MICAL3: variants seen among roughly 807,000 people sequenced by gnomAD.
MICAL3 encodes [F-actin]-monooxygenase MICAL3.
Under a neutral mutation model 207.4 loss-of-function variants are expected in MICAL3, and 62 were observed. That is an observed-to-expected ratio of 0.30 (90% CI 0.24 to 0.37). MICAL3 has a LOEUF of 0.37. Among genes scored for constraint, MICAL3 ranks in the 10% least tolerant of loss-of-function variants. The pLI is 1.00. For synonymous variants in MICAL3, 1,077 were observed against 1,069.3 expected, an observed-to-expected ratio of 1.01 and a Z score of -0.14; for missense variants, 2,368 against 2,635.6, an observed-to-expected ratio of 0.90 and a Z score of 2.22.
Position 17,980,133 on chromosome 22 carries a change from G to C in MICAL3, c.-75+44148C>G, listed in dbSNP as rs191094997. Among the ~76,000 whole-genome samples the C allele has an allele frequency of 2.0e-5, 3 of 152,282 alleles. No individual in the cohort carries two copies. The East Asian group carries it at 5.8e-4, about 29-fold the overall frequency. ...GGTGAACCACCGCACCTGGCCCCCA[G>C]CAAGTCTTTCTGAAAGTGGGTAATA... On this transcript the variant is annotated intron_variant, in intron 1 of 31. Coordinates refer to ENST00000441493, the MANE Select transcript of MICAL3 (RefSeq NM_015241.3).
At chr22:17,842,045 C>A (rs915833103) in intron 19 of MICAL3, 28 bp from the exon 20 acceptor site, 34 of 1,583,530 alleles carry the variant, frequency 2.1e-5, no homozygotes, top group African/African-American at 2.7e-5. Flanking sequence ...AAGCACTGCA[C>A]TGAGGTCCAA....
chr22:17,927,051 C>G (rs962596719), intron 1 of MICAL3, among the ~76,000 whole-genome samples: 1 of 152,132 alleles, frequency 6.6e-6, no homozygotes, highest in Admixed American at 6.5e-5. Flanking sequence ...TTTTGTCATC[C>G]GCAACAGAAA....
chr22:17,910,319 G>A (rs1932035532), intron 1 of MICAL3, among the ~76,000 whole-genome samples: 1 of 152,096 alleles, frequency 6.6e-6, no homozygotes, highest in Non-Finnish European at 1.5e-5. Context: ...TCACCCACTC[G>A]GTTTGAAATA....
chr22:17,977,169 G>A (rs1236689237), intron 1 of MICAL3, among the ~76,000 whole-genome samples: 1 of 152,088 alleles, frequency 6.6e-6, no homozygotes, highest in Non-Finnish European at 1.5e-5. Flanking sequence ...GTTTACTCAA[G>A]AATCGAGAGT....
At chr22:17,951,171 A>G (rs1934330604) in intron 1 of MICAL3, among the ~76,000 whole-genome samples, 1 of 152,212 alleles carries the variant, frequency 6.6e-6, no homozygotes, top group Non-Finnish European at 1.5e-5. Context: ...ATGAATGCCC[A>G]GACTGTAAGG....
Position 17,919,165 on chromosome 22 carries a change from G to A in MICAL3, c.-74-12279C>T, listed in dbSNP as rs962697429. 4.0e-5 allele frequency among the ~76,000 whole-genome samples: 6 copies of A among 150,396 alleles called. No individual in the cohort carries two copies. The East Asian group carries it at 9.7e-4, about 24-fold the overall frequency. Reference sequence around the variant, plus strand: ...AGCTCAGTGCAGCTTCCTCAGCTCAGGCGATTCTCCTGCCTCAGGCTCCTG... The same window carrying A: ...AGCTCAGTGCAGCTTCCTCAGCTCAAGCGATTCTCCTGCCTCAGGCTCCTG... On this transcript the variant is annotated intron_variant, in intron 1 of 31. Coordinates refer to ENST00000441493, the MANE Select transcript of MICAL3 (RefSeq NM_015241.3).
chr22:17,928,420 A>C (rs1250740252), intron 1 of MICAL3, among the ~76,000 whole-genome samples: 5 of 150,476 alleles, frequency 3.3e-5, no homozygotes, highest in South Asian at 2.1e-4. Flanking sequence ...GCCTGGGCGA[A>C]ACAGCAAGAC....
chr22:17,950,186 G>C (rs900066286), intron 1 of MICAL3, among the ~76,000 whole-genome samples: 21 of 137,640 alleles, frequency 1.5e-4, no homozygotes, highest in African/African-American at 6.1e-4. Flanking sequence ...TTGGAGACAA[G>C]AGTCTCGCTC....
chr22:17,866,071 C>A, intron 17 of MICAL3, 59 bp from the exon 18 acceptor site: 1 of 1,297,762 alleles, frequency 7.7e-7, no homozygotes, highest in Non-Finnish European at 1.1e-6. Flanking sequence ...CCTGAACGTG[C>A]CTCCCTGGTC....
At chr22:18,001,324 G>A (rs918347655) in intron 1 of MICAL3, 1 of 152,332 alleles carries the variant, frequency 6.6e-6, no homozygotes, top group East Asian at 1.9e-4. Flanking sequence ...CCCCGAGCTC[G>A]GGCGCGAGCA....
intron 29 of MICAL3, among the ~76,000 whole-genome samples, chr22:17,805,076 G>A (rs2061976711): frequency 1.3e-5 from 2 of 152,232 alleles, no homozygotes; most frequent in African/African-American, 2.4e-5. Context: ...GGCTAACAAA[G>A]TCTGACGCCC....
At position 17,902,425 on chromosome 22, in the gene MICAL3, A is replaced by G. The variant is rs1931399603; in HGVS notation, c.589+206T>C. On this transcript the variant is annotated intron_variant, in intron 4 of 31. Transcript: ENST00000441493. The surrounding 1 kb of genome is among the most constrained non-coding windows in gnomAD (Gnocchi z 4.5). ...GTGGGGACAAACCACAGAAGGAAAGAAGCCTTGCAGAGGGCTCACGGGGCC... is the reference window on the plus strand; with the variant it reads ...GTGGGGACAAACCACAGAAGGAAAGGAGCCTTGCAGAGGGCTCACGGGGCC... Among the ~76,000 whole-genome samples, 1 of 152,180 alleles carries G rather than the reference A, an allele frequency of 6.6e-6. No individual in the cohort carries two copies. The highest frequency in any genetic ancestry group is 2.4e-5 in the African/African-American group (1 of 41,442).
intron 1 of MICAL3, among the ~76,000 whole-genome samples, chr22:17,948,583 A>G (rs760339190): frequency 6.6e-6 from 1 of 152,210 alleles, no homozygotes; most frequent in Non-Finnish European, 1.5e-5. Context: ...AGGGGAAGAC[A>G]GAATATGAGT....
Position 17,818,857 on chromosome 22 carries a change from G to T in MICAL3, c.3804C>A (p.Thr1268=). 1 of 1,546,648 alleles carries T rather than the reference G, an allele frequency of 6.5e-7. No homozygotes were observed. Reference sequence around the variant, plus strand: ...GGGTAGGGGATGGGACAGTGGCCTCGGTGGAAGGCTGGGGCTGGGAGCAGA... The same window carrying T: ...GGGTAGGGGATGGGACAGTGGCCTCTGTGGAAGGCTGGGGCTGGGAGCAGA... ...LPICSQPQPS[T]EATVPSPTQS... Residue 1268 remains threonine, a synonymous_variant, in exon 26 of 32, where the codon ACC becomes ACA. Coordinates refer to ENST00000441493, the MANE Select transcript of MICAL3 (RefSeq NM_015241.3).
rs1921262343 is a variant in MICAL3, at chr22:17,819,102, C to CGGCAG, written c.3554_3558dup (p.Ala1187LeufsTer32). The CGGCAG allele has an allele frequency of 6.7e-7, 1 of 1,489,046 alleles. No homozygotes were observed. The highest frequency in any genetic ancestry group is 1.4e-5 in the African/African-American group (1 of 71,194). 92.2% of individuals were successfully genotyped at this position (1,489,046 alleles called of 1,614,324 possible). On this transcript the variant is annotated frameshift_variant, in exon 26 of 32. Coordinates refer to ENST00000441493, the MANE Select transcript of MICAL3 (RefSeq NM_015241.3). LOFTEE classifies it high-confidence loss of function. ...TCCTCAGGTGATTTCTCCTGGGTGG[C>CGGCAG]GGCAGGGACAGGTGGGAGTTGGGGC... is the stretch of plus-strand genomic sequence containing the variant.
chr22:17,886,017 G>A lies in MICAL3; in HGVS notation c.2102C>T (p.Pro701Leu), dbSNP rs374510340. ...EAPRGHRGER[P>L]TLVSTLTDRR... The stretch of plus-strand genomic sequence containing the variant: ...GTCTGTCAGAGTGCTCACCAGGGTC[G>A]GTCTTTCTCCTCTGTGGCCCCGAGG... Residue 701 changes from proline to leucine, a missense_variant, in exon 16 of 32, where the codon CCG becomes CTG. Transcript: ENST00000441493. 1.1e-5 allele frequency: 17 copies of A among 1,614,000 alleles called. No individual in the cohort carries two copies. The highest frequency in any genetic ancestry group is 1.3e-5 in the African/African-American group (1 of 75,052).
Position 17,854,262 on chromosome 22 carries a change from GAC to G in MICAL3, c.2605+10635_2605+10636del, listed in dbSNP as rs749296138. Among the ~76,000 whole-genome samples, 78 of 152,186 alleles carry G rather than the reference GAC, an allele frequency of 5.1e-4. No homozygotes were observed. In the Middle Eastern group the frequency reaches 0.01, roughly 20 times the overall value. ...TGATGTCTGATGGGGAGAGGCCAGGGACACACCCGACACACCACAAGGCACAG... is the reference window on the plus strand; with the variant it reads ...TGATGTCTGATGGGGAGAGGCCAGGGACACCCGACACACCACAAGGCACAG... On this transcript the variant is annotated intron_variant, in intron 19 of 31. Transcript: ENST00000441493.
chr22:18,000,863 G>C (rs1281135095), intron 1 of MICAL3, among the ~76,000 whole-genome samples: 1 of 152,176 alleles, frequency 6.6e-6, no homozygotes, highest in Admixed American at 6.5e-5. Context: ...GCAGCGGGAC[G>C]GGGAGGCCCC....
At position 17,818,164 on chromosome 22, in the gene MICAL3, C is replaced by G. The variant is rs1291898504; in HGVS notation, c.4497G>C (p.Arg1499=). 1.3e-6 allele frequency: 2 copies of G among 1,595,436 alleles called. No homozygotes were observed. Among genetic ancestry groups the G allele is most frequent in the South Asian group, 1.1e-5 (1 of 88,788 alleles). ...PLPATWMRPP[R]EPAQPPREEV... is the part of the protein sequence containing the mutation. ...CCTCTCTGGGGGGCTGAGCAGGCTC[C>G]CGGGGGGGCCGCATCCAGGTGGCGG... The change falls in exon 26 of 32, where the codon CGG becomes CGC. Residue 1499 remains arginine (R), a synonymous_variant. Coordinates refer to ENST00000441493, the MANE Select transcript of MICAL3 (RefSeq NM_015241.3).
Sources: gnomAD v4.1 joint callset for allele counts (sites outside exome capture counted in the v4.1 genomes callset) on GRCh38, gnomAD v4.1.1 for gene constraint, Gnocchi (gnomAD v3.1) non-coding constraint, MANE v1.5 for transcripts, NCBI Gene and HGNC (gene_info 2026-07-23, HGNC 2026-07-21) for gene names.